Variants in TRPV3 observed in about 807,000 individuals in gnomAD.
TRPV3 encodes the protein transient receptor potential cation channel subfamily V member 3, also known as VRL-3.
Under a neutral mutation model 87.1 loss-of-function variants are expected in TRPV3, and 88 were observed. That is an observed-to-expected ratio of 1.01 (90% CI 0.85 to 1.21). The LOEUF is 1.21. Among genes scored for constraint, TRPV3 ranks in the 50% most tolerant of loss-of-function variants. The pLI, the probability that TRPV3 is intolerant of heterozygous loss-of-function variation, is 0.00. For missense variants in TRPV3, 1,054 were observed against 1,030.1 expected (o/e 1.02, Z -0.32); for synonymous variants, 438 against 423.3 (o/e 1.03, Z -0.43).
rs770274367 is a variant in TRPV3, at chr17:3,528,793, C to T, written c.1401+44G>A. Reference sequence around the variant, plus strand: ...CACGTGGGGCAGCTCCAAGCCCCTCCAGCTCTGACGGCCCCATTTTCCCCC... The same window carrying T: ...CACGTGGGGCAGCTCCAAGCCCCTCTAGCTCTGACGGCCCCATTTTCCCCC... On this transcript the variant is annotated intron_variant, in intron 10 of 17. Coordinates refer to ENST00000576742, the MANE Select transcript of TRPV3 (RefSeq NM_145068.4). This position sits in a 1 kb window ranked among gnomAD's most constrained non-coding sequence, Gnocchi z 4.2. The T allele has an allele frequency of 3.7e-6, 6 of 1,610,954 alleles. No individual in the cohort carries two copies. The highest frequency in any genetic ancestry group is 5.1e-6 in the Non-Finnish European group (6 of 1,178,344).
At chr17:3,550,828 G>A (rs1423602331) in intron 2 of TRPV3, among the ~76,000 whole-genome samples, 1 of 152,030 alleles carries the variant, frequency 6.6e-6, no homozygotes, top group Non-Finnish European at 1.5e-5. Context: ...CCGGCCTCCT[G>A]CCTGCTCTTT....
chr17:3,532,176 G>A (rs1306307959), intron 8 of TRPV3, among the ~76,000 whole-genome samples: 2 of 152,228 alleles, frequency 1.3e-5, no homozygotes, highest in Non-Finnish European at 1.5e-5. Context: ...GGCAAGAAGG[G>A]CCCAAAGCGG....
At position 3,557,026 on chromosome 17, in the gene TRPV3, G is replaced by C. The variant is rs1488880583; in HGVS notation, c.-3+650C>G. ...TCTCTTCTCTGGGCCCGAGAATGTG[G>C]CCTGCCCTGGGCCTCTGGGGCAGGA... On this transcript the variant is annotated intron_variant, in intron 1 of 17. Transcript: ENST00000576742. This position sits in a 1 kb window ranked among gnomAD's most constrained non-coding sequence, Gnocchi z 4.5. Among the ~76,000 whole-genome samples the C allele has an allele frequency of 2.6e-5, 4 of 152,090 alleles. No individual in the cohort carries two copies. The highest frequency in any genetic ancestry group is 6.6e-5 in the Admixed American group (1 of 15,256).
intron 2 of TRPV3, among the ~76,000 whole-genome samples, chr17:3,548,721 A>G (rs2150805764): frequency 6.6e-6 from 1 of 152,176 alleles, no homozygotes; most frequent in East Asian, 1.9e-4. Flanking sequence ...TCCCAATCAA[A>G]CCCTTCTTCC....
Position 3,526,899 on chromosome 17 carries a change from G to C in TRPV3, c.1532C>G (p.Ser511Trp). ...EGIAIFLLRP[S>W]DLQSILSDAW... ...ATCCGAGAGGATGGACTGCAGATCC[G>C]AGGGTCTCAGCAGGAAGATGGCAAT... The change falls in exon 12 of 18, where the codon TCG becomes TGG. Residue 511 changes from serine to tryptophan, a missense_variant. Transcript: ENST00000576742. 1 of 1,612,210 alleles carries C rather than the reference G, an allele frequency of 6.2e-7. No individual in the cohort carries two copies. The highest frequency in any genetic ancestry group is 8.5e-7 in the Non-Finnish European group (1 of 1,179,314).
chr17:3,524,440 C>A, intron 12 of TRPV3, 77 bp from the exon 13 acceptor site: 1 of 1,563,300 alleles, frequency 6.4e-7, no homozygotes, highest in Non-Finnish European at 8.7e-7. Context: ...TCCCCCAAAC[C>A]TCCCTTAAAC....
At chr17:3,548,697 C>T (rs2074546535) in intron 2 of TRPV3, among the ~76,000 whole-genome samples, 1 of 152,234 alleles carries the variant, frequency 6.6e-6, no homozygotes, top group African/African-American at 2.4e-5. Context: ...CAAAAGGAAC[C>T]TTCTGATCTG....
At chr17:3,549,712 TGGATGGATGGATGGATGGA>T (rs1275727098) in intron 2 of TRPV3, among the ~76,000 whole-genome samples, 1 of 150,128 alleles carries the variant, frequency 6.7e-6, no homozygotes, top group African/African-American at 2.5e-5. Flanking sequence ...GATGGATGGA[TGGATGGATGGATGGATGGA>T]GGATGGATGG....
At chr17:3,531,528 C>T (rs1055680677) in intron 8 of TRPV3, among the ~76,000 whole-genome samples, 7 of 152,190 alleles carry the variant, frequency 4.6e-5, no homozygotes, top group Admixed American at 3.9e-4. Flanking sequence ...AGACAGGTGC[C>T]TCCCCCGGGC....
chr17:3,528,149 G>C lies in TRPV3; in HGVS notation c.1402-23C>G. 1 of 1,593,176 alleles carries C rather than the reference G, an allele frequency of 6.3e-7. No individual in the cohort carries two copies. Among genetic ancestry groups the C allele is most frequent in the Middle Eastern group, 1.7e-4 (1 of 5,998 alleles). On this transcript the variant is annotated intron_variant, in intron 10 of 17. Coordinates refer to ENST00000576742, the MANE Select transcript of TRPV3 (RefSeq NM_145068.4). The surrounding 1 kb of genome is among the most constrained non-coding windows in gnomAD (Gnocchi z 4.2). ...GGCCTGCAGGGAAAGAAGAGGGGTG[G>C]TCAGTATAGGAAGCAAGGAGGACAG...
intron 9 of TRPV3, 109 bp downstream of exon 9, chr17:3,529,918 G>T: frequency 7.7e-7 from 1 of 1,294,148 alleles, no homozygotes; most frequent in Non-Finnish European, 1.1e-6. Flanking sequence ...GTATGCAGAT[G>T]CCGAGGGATG....
rs145283748 is a variant in TRPV3, at chr17:3,518,754, G to A, written c.1907C>T (p.Thr636Ile). ...GATGTTCAGGTCACCCAGGCCTATG[G>A]TGAGCTTGAAGAGTTCCAGCACTGC... ...SDAVLELFKL[T>I]IGLGDLNIQQ... Residue 636 changes from threonine to isoleucine, a missense_variant, in exon 15 of 18, where the codon ACC becomes ATC. Coordinates refer to ENST00000576742, the MANE Select transcript of TRPV3 (RefSeq NM_145068.4). The surrounding 1 kb of genome is among the most constrained non-coding windows in gnomAD (Gnocchi z 4.3). 40 of 1,613,918 alleles carry A rather than the reference G, an allele frequency of 2.5e-5. No homozygotes were observed. Among genetic ancestry groups the A allele is most frequent in the Non-Finnish European group, 3.3e-5 (39 of 1,179,968 alleles).
intron 2 of TRPV3, chr17:3,546,716 G>C (rs186420452): frequency 1.5e-5 from 7 of 454,468 alleles, no homozygotes; most frequent in African/African-American, 1.4e-4. Context: ...GGTGGCTCAT[G>C]CCTGTAATCC....
rs1469131025 is a variant in TRPV3, at chr17:3,530,232, C to A, written c.1066-29G>T. ...GGACAGGAGGAGGAACAACCATCAG[C>A]TGCAGAACAGGGGCTTAAGGCCAAC... is the stretch of plus-strand genomic sequence containing the variant. On this transcript the variant is annotated intron_variant, in intron 8 of 17. Coordinates refer to ENST00000576742, the MANE Select transcript of TRPV3 (RefSeq NM_145068.4). The surrounding 1 kb of genome is among the most constrained non-coding windows in gnomAD (Gnocchi z 4.0). 6 of 1,596,588 alleles carry A rather than the reference C, an allele frequency of 3.8e-6. No individual in the cohort carries two copies. The East Asian group carries it at 1.1e-4, about 30-fold the overall frequency.
At chr17:3,524,486 A>C in intron 12 of TRPV3, 123 bp from the exon 13 acceptor site, 1 of 1,250,984 alleles carries the variant, frequency 8.0e-7, no homozygotes, top group South Asian at 1.5e-5. Context: ...GATGCTGAAG[A>C]GACCAGAATC....
chr17:3,524,796 A>G (rs1191345500), intron 12 of TRPV3, among the ~76,000 whole-genome samples: 1 of 142,528 alleles, frequency 7.0e-6, no homozygotes, highest in African/African-American at 2.7e-5. Context: ...ACATAGTGAG[A>G]CCTTGTCTCT....
chr17:3,548,330 C>T (rs1418381749), intron 2 of TRPV3, among the ~76,000 whole-genome samples: 2 of 152,196 alleles, frequency 1.3e-5, no homozygotes, highest in Non-Finnish European at 1.5e-5. Flanking sequence ...AGCAGCTCAT[C>T]CATGGTCACC....
At position 3,535,752 on chromosome 17, in the gene TRPV3, G is replaced by C. The variant is rs532795644; in HGVS notation, c.644-39C>G. On this transcript the variant is annotated intron_variant, in intron 6 of 17. Transcript: ENST00000576742. ...GGGGACGCGCGGGAGCCTCAGCGCCGGGCACAGGGGCCTCTTGCCCACCCG... is the reference window on the plus strand; with the variant it reads ...GGGGACGCGCGGGAGCCTCAGCGCCCGGCACAGGGGCCTCTTGCCCACCCG... 2.5e-4 allele frequency: 351 copies of C among 1,423,584 alleles called. 3 individuals are homozygous for C. The African/African-American group carries it at 4.7e-3, about 19-fold the overall frequency. 88.2% of individuals were successfully genotyped at this position (1,423,584 alleles called of 1,614,324 possible).
At chr17:3,526,347 G>A (rs900015251) in intron 12 of TRPV3, among the ~76,000 whole-genome samples, 1 of 152,034 alleles carries the variant, frequency 6.6e-6, no homozygotes, top group Admixed American at 6.6e-5. Context: ...GTGTGATGGT[G>A]CACGTCTGTA....
Sources: gnomAD v4.1 joint callset for allele counts (sites outside exome capture counted in the v4.1 genomes callset) on GRCh38, gnomAD v4.1.1 for gene constraint, Gnocchi (gnomAD v3.1) non-coding constraint, MANE v1.5 for transcripts, NCBI Gene and HGNC (gene_info 2026-07-23, HGNC 2026-07-21) for gene names.